The following SMYD3 variants were observed in gnomAD, a reference collection of about 807,000 sequenced individuals.
The protein encoded by SMYD3 is histone-lysine N-methyltransferase SMYD3.
In SMYD3, 36 loss-of-function variants were observed where a neutral mutation model predicts 57.7. The observed-to-expected ratio is 0.62, with a 90% CI of 0.48 to 0.82. The LOEUF (loss-of-function observed/expected upper bound fraction) is 0.82, where lower values mean the gene tolerates loss of function less well. SMYD3 is among the 40% of genes least tolerant of loss of function. SMYD3 has a pLI of 0.00. For missense variants in SMYD3, 515 were observed against 538.8 expected (o/e 0.96, Z 0.44); for synonymous variants, 211 against 195.0 (o/e 1.08, Z -0.68).
intron 5 of SMYD3, among the ~76,000 whole-genome samples, chr1:246,293,210 C>T (rs748950523): frequency 1.3e-5 from 2 of 151,826 alleles, no homozygotes; most frequent in African/African-American, 4.8e-5. Flanking sequence ...ATGATCTCTC[C>T]CTCTCTCCAT....
chr1:245,934,620 G>C (rs147007911), intron 5 of SMYD3, among the ~76,000 whole-genome samples: 14 of 152,224 alleles, frequency 9.2e-5, no homozygotes, highest in Non-Finnish European at 1.6e-4. Context: ...CAGCGGGAGG[G>C]GACCAGGCTG....
At chr1:246,006,361 G>A (rs1210617289) in intron 5 of SMYD3, among the ~76,000 whole-genome samples, 1 of 152,118 alleles carries the variant, frequency 6.6e-6, no homozygotes, top group East Asian at 1.9e-4. Context: ...GGGTGGTGAG[G>A]AACAGTCCAG....
chr1:245,935,728 T>C (rs2056956231), intron 5 of SMYD3, among the ~76,000 whole-genome samples: 1 of 152,222 alleles, frequency 6.6e-6, no homozygotes, highest in African/African-American at 2.4e-5. Flanking sequence ...TTCTGTCATT[T>C]GCAAGAATAT....
intron 8 of SMYD3, among the ~76,000 whole-genome samples, chr1:245,901,062 T>C (rs2054151642): frequency 1.3e-5 from 2 of 152,232 alleles, no homozygotes; most frequent in Non-Finnish European, 2.9e-5. Flanking sequence ...CCTGCAGCAT[T>C]AGAATGAGCT....
At chr1:245,857,271 C>T (rs969819213) in intron 10 of SMYD3, among the ~76,000 whole-genome samples, 1 of 152,222 alleles carries the variant, frequency 6.6e-6, no homozygotes, top group Non-Finnish European at 1.5e-5. Flanking sequence ...GGAGCCTCTG[C>T]CGTCTTCGGG....
intron 1 of SMYD3, among the ~76,000 whole-genome samples, chr1:246,488,460 G>C (rs186870414): frequency 1.4e-4 from 21 of 152,346 alleles, no homozygotes; most frequent in Non-Finnish European, 1.5e-5. Context: ...GCCGAGGCGG[G>C]CAGATCACCT....
intron 10 of SMYD3, among the ~76,000 whole-genome samples, chr1:245,788,429 G>T (rs1354830968): frequency 6.6e-6 from 1 of 152,232 alleles, no homozygotes; most frequent in Non-Finnish European, 1.5e-5. Flanking sequence ...CGGGAGGCCA[G>T]ATGTTATTCC....
Position 246,350,017 on chromosome 1 carries a change from T to C in SMYD3, c.228+5014A>G, listed in dbSNP as rs2065796955. Among the ~76,000 whole-genome samples, 4 of 152,156 alleles carry C rather than the reference T, an allele frequency of 2.6e-5. No individual in the cohort carries two copies. In the South Asian group the frequency reaches 8.3e-4, roughly 32 times the overall value. ...TCAAGACACAAAACCCAACCATATG[T>C]CATCCACAAGAAACCCATTTTACAT... On this transcript the variant is annotated intron_variant, in intron 2 of 11. Transcript: ENST00000490107.
chr1:245,765,077 C>CAAAAAAAAAAAAAAAAAA (rs746177324), intron 10 of SMYD3, among the ~76,000 whole-genome samples: 7 of 128,384 alleles, frequency 5.5e-5, no homozygotes, highest in African/African-American at 1.2e-4. Context: ...CACACACACA[C>CAAAAAAAAAAAAAAAAAA]AAAACCACAG....
In SMYD3 at chr1:245,749,479, C is replaced by A; in HGVS notation, c.*84G>T. 1.9e-6 allele frequency: 2 copies of A among 1,069,430 alleles called. No individual in the cohort carries two copies. The highest frequency in any genetic ancestry group is 2.9e-6 in the Non-Finnish European group (2 of 701,272). 66.2% of individuals were successfully genotyped at this position (1,069,430 alleles called of 1,614,324 possible). On this transcript the variant is annotated 3_prime_UTR_variant, in exon 12 of 12. Transcript: ENST00000490107. ...CAGAATTTCCAATAGGAGAGGTTCA[C>A]ACAGCTAACAAAGCATAGAGTGTGT...
At chr1:246,100,314 C>A (rs1279451655) in intron 5 of SMYD3, among the ~76,000 whole-genome samples, 1 of 152,174 alleles carries the variant, frequency 6.6e-6, no homozygotes, top group Non-Finnish European at 1.5e-5. Context: ...TGTGGAAAAG[C>A]CAGGTAGGTA....
chr1:245,919,513 C>G (rs1274260841), intron 7 of SMYD3, among the ~76,000 whole-genome samples: 3 of 152,182 alleles, frequency 2.0e-5, no homozygotes, highest in Admixed American at 6.5e-5. Context: ...GAAAGCCACC[C>G]ATTTTTGTGC....
At chr1:246,317,446 T>A (rs998866380) in intron 5 of SMYD3, among the ~76,000 whole-genome samples, 2 of 152,386 alleles carry the variant, frequency 1.3e-5, no homozygotes, top group Admixed American at 1.3e-4. Flanking sequence ...CACCACCTGC[T>A]CAGTCTGCAA....
intron 5 of SMYD3, among the ~76,000 whole-genome samples, chr1:245,942,160 C>A (rs2057270495): frequency 6.6e-6 from 1 of 152,038 alleles, no homozygotes; most frequent in Admixed American, 6.6e-5. Flanking sequence ...GGCTAAATGC[C>A]CCAATTAAAA....
chr1:245,877,867 GA>G (rs1266761525), intron 8 of SMYD3, among the ~76,000 whole-genome samples: 3 of 152,226 alleles, frequency 2.0e-5, no homozygotes, highest in Non-Finnish European at 2.9e-5. Context: ...AAGTGAAAGT[GA>G]GAAGTGTCGA....
At chr1:245,757,489 A>G (rs1372826620) in intron 11 of SMYD3, among the ~76,000 whole-genome samples, 1 of 152,094 alleles carries the variant, frequency 6.6e-6, no homozygotes, top group Non-Finnish European at 1.5e-5. Flanking sequence ...ATATCCAAGA[A>G]ATCATCACTA....
At chr1:246,086,958 A>C (rs2060732009) in intron 5 of SMYD3, among the ~76,000 whole-genome samples, 1 of 152,050 alleles carries the variant, frequency 6.6e-6, no homozygotes, top group African/African-American at 2.4e-5. Context: ...GCTCCCACTT[A>C]TGAGTGAGAA....
At chr1:245,998,751 T>G (rs1040492919) in intron 5 of SMYD3, among the ~76,000 whole-genome samples, 6 of 152,046 alleles carry the variant, frequency 3.9e-5, no homozygotes, top group Admixed American at 6.6e-5. Flanking sequence ...AGTGGAAACA[T>G]CCCAAGGGTC....
intron 1 of SMYD3, among the ~76,000 whole-genome samples, chr1:246,381,393 A>C (rs2066383070): frequency 6.6e-6 from 1 of 152,246 alleles, no homozygotes; most frequent in Non-Finnish European, 1.5e-5. Flanking sequence ...TAAATGATAA[A>C]CTTGGGATGG....
Sources: gnomAD v4.1 joint callset for allele counts (sites outside exome capture counted in the v4.1 genomes callset) on GRCh38, gnomAD v4.1.1 for gene constraint, MANE v1.5 for transcripts, NCBI Gene and HGNC (gene_info 2026-07-23, HGNC 2026-07-21) for gene names.